NPEPL1: variants seen among roughly 807,000 people sequenced by gnomAD.
The protein encoded by NPEPL1 is aminopeptidase like 1, also known as probable aminopeptidase NPEPL1.
A neutral mutation model predicts 52.4 loss-of-function variants in NPEPL1; 45 were observed. The observed-to-expected ratio is 0.86, with a 90% CI of 0.68 to 1.10. The LOEUF (loss-of-function observed/expected upper bound fraction) is 1.10, where lower values mean the gene tolerates loss of function less well. Ranked by LOEUF, NPEPL1 falls within the 50% of genes least tolerant of loss-of-function variation. The pLI is 0.00. For synonymous variants in NPEPL1, 360 were observed against 314.7 expected (o/e 1.14, Z -1.52); for missense variants, 696 against 710.9 (o/e 0.98, Z 0.24).
intron 6 of NPEPL1, chr20:58,705,582 C>T (rs770466558): frequency 1.1e-5 from 5 of 455,324 alleles, no homozygotes; most frequent in South Asian, 6.2e-5. Flanking sequence ...AAGTGTCAGC[C>T]CCGTGAAAAA....
At chr20:58,702,583 T>G (rs1214711182) in intron 6 of NPEPL1, among the ~76,000 whole-genome samples, 1 of 152,004 alleles carries the variant, frequency 6.6e-6, no homozygotes, top group Admixed American at 6.6e-5. Flanking sequence ...TCTCTTGGGG[T>G]AATAGATGGT....
intron 7 of NPEPL1, among the ~76,000 whole-genome samples, chr20:58,708,810 C>G (rs939422460): frequency 1.3e-5 from 2 of 152,136 alleles, no homozygotes; most frequent in Admixed American, 6.5e-5. Flanking sequence ...CTGTGCGGTG[C>G]TCGCTGGGCA....
intron 5 of NPEPL1, among the ~76,000 whole-genome samples, chr20:58,700,528 T>C (rs938348582): frequency 6.6e-6 from 1 of 152,204 alleles, no homozygotes; most frequent in Admixed American, 6.5e-5. Flanking sequence ...CTTTGAGCCA[T>C]AGACTCTGCA....
At chr20:58,709,882 C>T (rs117468885) in intron 7 of NPEPL1, among the ~76,000 whole-genome samples, 3 of 152,124 alleles carry the variant, frequency 2.0e-5, no homozygotes, top group South Asian at 2.1e-4. Context: ...CTGATCTGGA[C>T]GTCTGAGGAG....
chr20:58,705,269 A>AGAT (rs2084715402), intron 6 of NPEPL1, among the ~76,000 whole-genome samples: 1 of 152,180 alleles, frequency 6.6e-6, no homozygotes, highest in African/African-American at 2.4e-5. Context: ...TTTCAAGTAA[A>AGAT]GATGGTGTCG....
intron 3 of NPEPL1, among the ~76,000 whole-genome samples, chr20:58,698,291 G>C (rs2084532869): frequency 6.6e-6 from 1 of 152,126 alleles, no homozygotes; most frequent in African/African-American, 2.4e-5. Context: ...ATCTGCAGAG[G>C]TGAGGCGTGG....
At chr20:58,696,855 A>G (rs571965313) in intron 3 of NPEPL1, among the ~76,000 whole-genome samples, 1 of 152,154 alleles carries the variant, frequency 6.6e-6, no homozygotes, top group South Asian at 2.1e-4. Context: ...TCCCCACGAC[A>G]TTGAGTGGCT....
chr20:58,698,679 C>T lies in NPEPL1; in HGVS notation c.508-5C>T. On this transcript the variant is annotated splice_region_variant and splice_polypyrimidine_tract_variant and intron_variant, in intron 3 of 11. Coordinates refer to ENST00000356091, the MANE Select transcript of NPEPL1 (RefSeq NM_024663.4). ...GGTCCCCAGTGATGGCCTTTTTCTC[C>T]CTAGTGCTTAGCGAATGCCACAGAC... The T allele has an allele frequency of 6.2e-7, 1 of 1,612,020 alleles. No individual in the cohort carries two copies. Among genetic ancestry groups the T allele is most frequent in the East Asian group, 2.2e-5 (1 of 44,874 alleles).
intron 7 of NPEPL1, among the ~76,000 whole-genome samples, chr20:58,709,816 A>G (rs2084800862): frequency 6.6e-6 from 1 of 152,216 alleles, no homozygotes; most frequent in Non-Finnish European, 1.5e-5. Context: ...AAGCCAGACT[A>G]TGCAGTCGCC....
rs1433511548 is a variant in NPEPL1 at position 58,713,947 on chromosome 20, G to C, written c.1156G>C (p.Val386Leu). 6.6e-7 allele frequency: 1 copy of C among 1,509,326 alleles called. No homozygotes were observed. Among genetic ancestry groups the C allele is most frequent in the South Asian group, 1.3e-5 (1 of 77,342 alleles). The allele number at this position is 1,509,326 out of a possible 1,614,324, so 93.5% of individuals were successfully genotyped here. The change falls in exon 10 of 12, where the codon GTG becomes CTG. Residue 386 changes from valine (V) to leucine (L), a missense_variant. By Grantham distance (32) the Val-to-Leu change is conservative. Coordinates refer to ENST00000356091, the MANE Select transcript of NPEPL1 (RefSeq NM_024663.4). This position sits in a 1 kb window ranked among gnomAD's most constrained non-coding sequence, Gnocchi z 4.6. Reference sequence around the variant, plus strand: ...TGCCACAGGGAAGTACCACGCCGCGGTGCTCACCAACAGCGCTGAGTGGGA... The same window carrying C: ...TGCCACAGGGAAGTACCACGCCGCGCTGCTCACCAACAGCGCTGAGTGGGA... ...GIATGKYHAAVLTNSAEWEAA... is the reference protein window; with the variant it reads ...GIATGKYHAALLTNSAEWEAA...
At chr20:58,714,747 T>A (rs2084921033) in intron 11 of NPEPL1, 77 bp downstream of exon 11, 1 of 1,165,188 alleles carries the variant, frequency 8.6e-7, no homozygotes, top group Non-Finnish European at 1.2e-6. Context: ...GCTCTGGAGC[T>A]GCTGGCAGAG....
chr20:58,702,765 A>AATCT (rs1330979349), intron 6 of NPEPL1, among the ~76,000 whole-genome samples: 1 of 152,226 alleles, frequency 6.6e-6, no homozygotes, highest in Non-Finnish European at 1.5e-5. Context: ...GAAGAGCTCC[A>AATCT]ATCTCGTGAG....
At chr20:58,711,888 G>A (rs1374016314) in intron 7 of NPEPL1, among the ~76,000 whole-genome samples, 1 of 152,246 alleles carries the variant, frequency 6.6e-6, no homozygotes, top group Non-Finnish European at 1.5e-5. Context: ...GCAGAGGAAG[G>A]GCAGGGACAG....
At chr20:58,712,391 T>C in intron 7 of NPEPL1, 88 bp from the exon 8 acceptor site, 3 of 813,954 alleles carry the variant, frequency 3.7e-6, no homozygotes, top group East Asian at 2.4e-5. Flanking sequence ...TCTCCTGCTG[T>C]CTGTGGGTCT....
At chr20:58,701,223 C>T (rs1280166723) in intron 6 of NPEPL1, 65 bp downstream of exon 6, 22 of 683,538 alleles carry the variant, frequency 3.2e-5, no homozygotes, top group South Asian at 9.9e-5. Context: ...GTGCAGGGCC[C>T]GGCTCTCCCG....
chr20:58,693,950 G>T, intron 2 of NPEPL1, 28 bp downstream of exon 2: 2 of 1,529,804 alleles, frequency 1.3e-6, no homozygotes, highest in South Asian at 1.2e-5. Flanking sequence ...AGGCAGCCAC[G>T]GTGCTCCTAG....
At chr20:58,699,918 C>G (rs868080865) in intron 5 of NPEPL1, among the ~76,000 whole-genome samples, 1 of 152,234 alleles carries the variant, frequency 6.6e-6, no homozygotes, top group Admixed American at 6.5e-5. Context: ...ATCCCCTCCC[C>G]GTGCTGTGGG....
At chr20:58,707,773 G>A (rs1431661892) in intron 7 of NPEPL1, among the ~76,000 whole-genome samples, 1 of 152,142 alleles carries the variant, frequency 6.6e-6, no homozygotes, top group Non-Finnish European at 1.5e-5. Flanking sequence ...TGTCCCTGGG[G>A]CCATAAAAAG....
At chr20:58,707,402 C>G (rs544289741) in intron 7 of NPEPL1, among the ~76,000 whole-genome samples, 2 of 152,326 alleles carry the variant, frequency 1.3e-5, no homozygotes, top group Middle Eastern at 3.4e-3. Flanking sequence ...TGGGAGGCCC[C>G]GAGGGCAAGG....
Sources: gnomAD v4.1 joint callset for allele counts (sites outside exome capture counted in the v4.1 genomes callset) on GRCh38, gnomAD v4.1.1 for gene constraint, Gnocchi (gnomAD v3.1) non-coding constraint, MANE v1.5 for transcripts, NCBI Gene and HGNC (gene_info 2026-07-23, HGNC 2026-07-21) for gene names.